The following CADM2 variants were observed in gnomAD, a reference collection of about 807,000 sequenced individuals.
The protein encoded by CADM2 is immunoglobulin superfamily member 4D.
In CADM2, 12 loss-of-function variants were observed where a neutral mutation model predicts 49.8. The observed-to-expected ratio is 0.24, with a 90% CI of 0.15 to 0.39. The LOEUF is 0.39. Ranked by LOEUF, CADM2 falls within the 10% of genes least tolerant of loss-of-function variation. The probability of loss-of-function intolerance (pLI) is 1.00; values close to 1 mark genes in which losing one functional copy is unlikely to be tolerated. For missense variants in CADM2, 378 were observed against 492.3 expected, an observed-to-expected ratio of 0.77 and a Z score of 2.20; for synonymous variants, 214 against 175.4, an observed-to-expected ratio of 1.22 and a Z score of -1.74.
intron 1 of CADM2, among the ~76,000 whole-genome samples, chr3:84,978,901 C>G (rs1344674235): frequency 6.6e-6 from 1 of 152,116 alleles, no homozygotes; most frequent in African/African-American, 2.4e-5. Context: ...CATTTCAACC[C>G]TATTTAAATC....
At chr3:85,839,131 G>A (rs1429860651) in intron 3 of CADM2, among the ~76,000 whole-genome samples, 8 of 151,776 alleles carry the variant, frequency 5.3e-5, no homozygotes, top group Admixed American at 5.3e-4. Flanking sequence ...AAATTTAACA[G>A]CCAAGACTGT....
intron 1 of CADM2, among the ~76,000 whole-genome samples, chr3:85,434,437 A>G (rs926288030): frequency 1.3e-5 from 2 of 151,958 alleles, no homozygotes; most frequent in African/African-American, 2.4e-5. Flanking sequence ...TCATTCATCT[A>G]TCCACTCAAC....
chr3:85,164,036 A>G (rs1282141741), intron 1 of CADM2, among the ~76,000 whole-genome samples: 1 of 152,014 alleles, frequency 6.6e-6, no homozygotes, highest in Non-Finnish European at 1.5e-5. Flanking sequence ...ATGTTTTTGA[A>G]AACTTTGGTA....
intron 3 of CADM2, among the ~76,000 whole-genome samples, chr3:85,853,832 A>G (rs1428106371): frequency 6.6e-6 from 1 of 152,138 alleles, no homozygotes; most frequent in Non-Finnish European, 1.5e-5. Context: ...TTGAAGTTCC[A>G]CTTTAGGAAA....
intron 1 of CADM2, among the ~76,000 whole-genome samples, chr3:85,296,468 A>G (rs1027995893): frequency 6.6e-6 from 1 of 151,932 alleles, no homozygotes; most frequent in Non-Finnish European, 1.5e-5. Flanking sequence ...CTGTCCCTAT[A>G]TTGATATTCT....
intron 8 of CADM2, among the ~76,000 whole-genome samples, chr3:86,002,987 T>C (rs535930047): frequency 3.3e-5 from 5 of 152,292 alleles, no homozygotes; most frequent in Admixed American, 2.6e-4. Context: ...TTATCACTCC[T>C]CTCCATCTTA....
At chr3:86,058,122 C>T (rs894961220) in intron 8 of CADM2, among the ~76,000 whole-genome samples, 2 of 152,144 alleles carry the variant, frequency 1.3e-5, no homozygotes, top group African/African-American at 4.8e-5. Context: ...TTAATCCTCA[C>T]CCATCAGACT....
intron 1 of CADM2, among the ~76,000 whole-genome samples, chr3:84,982,405 T>C (rs1323196860): frequency 2.6e-5 from 4 of 151,946 alleles, no homozygotes; most frequent in Non-Finnish European, 5.9e-5. Context: ...ATAGTCTATA[T>C]CAACATAAAC....
chr3:85,166,555 A>C (rs566305420), intron 1 of CADM2, among the ~76,000 whole-genome samples: 13 of 152,038 alleles, frequency 8.6e-5, no homozygotes, highest in Admixed American at 1.3e-4. Context: ...ATAGCTAAGG[A>C]AGAACTAACA....
intron 2 of CADM2, among the ~76,000 whole-genome samples, chr3:85,783,763 T>A (rs2070800676): frequency 6.6e-6 from 1 of 152,210 alleles, no homozygotes; most frequent in African/African-American, 2.4e-5. Flanking sequence ...ATCTTATCAT[T>A]AATTAGGTCG....
At chr3:85,936,657 A>G (rs147646670) in intron 7 of CADM2, among the ~76,000 whole-genome samples, 382 of 151,954 alleles carry the variant, frequency 2.5e-3, no homozygotes, top group African/African-American at 8.9e-3. Context: ...ATATAACTAT[A>G]TGAGATTGCT....
intron 8 of CADM2, among the ~76,000 whole-genome samples, chr3:85,965,942 C>T (rs1049824283): frequency 6.6e-6 from 1 of 151,674 alleles, no homozygotes; most frequent in Admixed American, 6.6e-5. Flanking sequence ...ACCTGGAAAG[C>T]TTTGAGAAAG....
At chr3:85,432,992 A>T (rs956175041) in intron 1 of CADM2, among the ~76,000 whole-genome samples, 6 of 152,120 alleles carry the variant, frequency 3.9e-5, no homozygotes, top group Non-Finnish European at 5.9e-5. Flanking sequence ...AACAATACCA[A>T]ATTCTAAGCA....
intron 1 of CADM2, among the ~76,000 whole-genome samples, chr3:85,159,766 A>G (rs1288810130): frequency 1.3e-5 from 2 of 152,136 alleles, no homozygotes; most frequent in Non-Finnish European, 1.5e-5. Flanking sequence ...TTTTAGGGAT[A>G]GTTTCATCAA....
At chr3:85,327,217 A>G (rs1255648031) in intron 1 of CADM2, among the ~76,000 whole-genome samples, 1 of 152,026 alleles carries the variant, frequency 6.6e-6, no homozygotes, top group Non-Finnish European at 1.5e-5. Flanking sequence ...CTTTATCTAT[A>G]TAAATATGTT....
Position 86,016,111 on chromosome 3 carries a change from T to C in CADM2, c.971-49494T>C, listed in dbSNP as rs568221476. Among the ~76,000 whole-genome samples the C allele has an allele frequency of 3.3e-5, 5 of 152,276 alleles. No individual in the cohort carries two copies. The South Asian group carries it at 8.3e-4, about 25-fold the overall frequency. On this transcript the variant is annotated intron_variant, in intron 8 of 9. Coordinates refer to ENST00000383699, the MANE Select transcript of CADM2 (RefSeq NM_001167675.2). ...CGAGCTTCTAGAAATTTTACTATCATGTAATTAACTCATGTCAGTCTTTTG... is the reference window on the plus strand; with the variant it reads ...CGAGCTTCTAGAAATTTTACTATCACGTAATTAACTCATGTCAGTCTTTTG...
At chr3:85,885,318 C>G (rs1167719481) in intron 4 of CADM2, among the ~76,000 whole-genome samples, 1 of 148,342 alleles carries the variant, frequency 6.7e-6, no homozygotes, top group Non-Finnish European at 1.5e-5. Flanking sequence ...AGGTGGATCA[C>G]TTGAGGTCAG....
chr3:85,013,131 G>A (rs1476811848), intron 1 of CADM2, among the ~76,000 whole-genome samples: 1 of 131,840 alleles, frequency 7.6e-6, no homozygotes, highest in Non-Finnish European at 1.6e-5. Context: ...TCTGTAATTT[G>A]CACTGGAAAT....
intron 1 of CADM2, among the ~76,000 whole-genome samples, chr3:85,410,065 T>G (rs79564999): frequency 0.062 from 9,412 of 152,182 alleles, 680 homozygotes; most frequent in African/African-American, 0.17. Flanking sequence ...TAATCATTAG[T>G]TCTTGATACA....
Sources: gnomAD v4.1 joint callset for allele counts (sites outside exome capture counted in the v4.1 genomes callset) on GRCh38, gnomAD v4.1.1 for gene constraint, MANE v1.5 for transcripts, NCBI Gene and HGNC (gene_info 2026-07-23, HGNC 2026-07-21) for gene names.